The following CEP112 variants were observed in gnomAD, a reference collection of about 807,000 sequenced individuals.
CEP112 encodes centrosomal protein 112.
CEP112 carries 127 observed loss-of-function variants against 153.0 expected under a neutral mutation model. That is an observed-to-expected ratio of 0.83 (90% CI 0.72 to 0.96). The LOEUF (loss-of-function observed/expected upper bound fraction) is 0.96. Ranked by LOEUF, CEP112 falls within the 40% of genes least tolerant of loss-of-function variation. CEP112 has a pLI of 0.00. For synonymous variants in CEP112, 358 were observed against 374.4 expected (o/e 0.96, Z 0.51); for missense variants, 1,089 against 1,101.2 (o/e 0.99, Z 0.16).
intron 20 of CEP112, among the ~76,000 whole-genome samples, chr17:65,856,409 A>T (rs893405367): frequency 3.3e-5 from 5 of 152,200 alleles, no homozygotes; most frequent in African/African-American, 1.2e-4. Context: ...GCTGATTTGA[A>T]AGTCTGCTTT....
intron 23 of CEP112, among the ~76,000 whole-genome samples, chr17:65,735,027 C>T (rs563716623): frequency 3.9e-5 from 6 of 152,158 alleles, no homozygotes; most frequent in Non-Finnish European, 8.8e-5. Flanking sequence ...TGTTGATACA[C>T]TTCATTCTCT....
intron 24 of CEP112, among the ~76,000 whole-genome samples, chr17:65,686,815 G>C (rs1230581289): frequency 6.6e-6 from 1 of 151,848 alleles, no homozygotes; most frequent in Non-Finnish European, 1.5e-5. Context: ...TACAATGTCT[G>C]TTTGCCTGCC....
At chr17:65,866,094 C>G (rs1246393965) in intron 20 of CEP112, among the ~76,000 whole-genome samples, 1 of 152,068 alleles carries the variant, frequency 6.6e-6, no homozygotes, top group Non-Finnish European at 1.5e-5. Context: ...CACCCAGACG[C>G]AGCCACGTAC....
intron 23 of CEP112, among the ~76,000 whole-genome samples, chr17:65,716,129 G>C (rs368807307): frequency 2.0e-5 from 3 of 150,564 alleles, no homozygotes; most frequent in Non-Finnish European, 1.5e-5. Context: ...AGAGAATATA[G>C]GCATAGCCCT....
intron 20 of CEP112, among the ~76,000 whole-genome samples, chr17:65,901,723 C>T (rs1365602282): frequency 3.3e-5 from 5 of 151,894 alleles, no homozygotes; most frequent in South Asian, 2.1e-4. Context: ...AACAGCAACA[C>T]TAGGAAGGAA....
At chr17:66,132,890 T>C (rs1210233911) in intron 4 of CEP112, 127 bp from the exon 5 acceptor site, 8 of 694,742 alleles carry the variant, frequency 1.2e-5, no homozygotes, top group Non-Finnish European at 1.7e-5. Flanking sequence ...TGATGTTCCA[T>C]AGCCGGGCGT....
chr17:66,096,100 C>G (rs2068334447), intron 8 of CEP112, 151 bp downstream of exon 8: 3 of 558,094 alleles, frequency 5.4e-6, no homozygotes, highest in Non-Finnish European at 9.3e-6. Context: ...AAAGATGAAC[C>G]CTGCCTACCA....
At chr17:65,703,578 C>T (rs567989219) in intron 23 of CEP112, among the ~76,000 whole-genome samples, 22 of 150,230 alleles carry the variant, frequency 1.5e-4, no homozygotes, top group African/African-American at 5.4e-4. Flanking sequence ...TACCCAGCTG[C>T]GAAGTCTTGC....
At chr17:65,740,986 C>G (rs1446083542) in intron 23 of CEP112, among the ~76,000 whole-genome samples, 2 of 152,098 alleles carry the variant, frequency 1.3e-5, no homozygotes, top group African/African-American at 2.4e-5. Flanking sequence ...ATGTAGTACA[C>G]TGGGGTATGG....
At chr17:66,069,891 T>G in intron 9 of CEP112, 24 bp downstream of exon 9, 1 of 1,381,304 alleles carries the variant, frequency 7.2e-7, no homozygotes, top group East Asian at 2.3e-5. Flanking sequence ...TCAATATAAT[T>G]AAAACACGAG....
chr17:65,995,049 C>T (rs1275127907), intron 17 of CEP112, among the ~76,000 whole-genome samples: 1 of 151,870 alleles, frequency 6.6e-6, no homozygotes, highest in Non-Finnish European at 1.5e-5. Flanking sequence ...CCATCAAACC[C>T]GAAGAGCTCC....
At chr17:66,009,340 T>C (rs1268033310) in intron 16 of CEP112, among the ~76,000 whole-genome samples, 2 of 152,184 alleles carry the variant, frequency 1.3e-5, no homozygotes, top group African/African-American at 2.4e-5. Flanking sequence ...CTGTTATTTG[T>C]ATATCTTCTT....
chr17:65,908,695 A>AG (rs1491489616), intron 19 of CEP112, among the ~76,000 whole-genome samples: 2 of 36 alleles, frequency 0.056, no homozygotes, highest in African/African-American at 0.17. Context: ...ACTCTGTCTC[A>AG]AAAAAAAAAA....
chr17:65,895,037 C>T (rs2059611225), intron 20 of CEP112, among the ~76,000 whole-genome samples: 1 of 151,914 alleles, frequency 6.6e-6, no homozygotes, highest in South Asian at 2.1e-4. Flanking sequence ...CCAAAATTAG[C>T]AATATAATGG....
chr17:65,669,092 C>T (rs961756720), intron 24 of CEP112, among the ~76,000 whole-genome samples: 7 of 152,154 alleles, frequency 4.6e-5, no homozygotes, highest in African/African-American at 9.7e-5. Flanking sequence ...GTTCAGTTTT[C>T]GGCAGGTGGG....
At chr17:65,676,180 T>C (rs1035308940) in intron 24 of CEP112, among the ~76,000 whole-genome samples, 2 of 151,986 alleles carry the variant, frequency 1.3e-5, no homozygotes, top group East Asian at 1.9e-4. Context: ...CTACTAAAAA[T>C]ACAAAAATTA....
At chr17:66,154,455 C>T (rs1202605248) in intron 4 of CEP112, among the ~76,000 whole-genome samples, 1 of 152,056 alleles carries the variant, frequency 6.6e-6, no homozygotes, top group Non-Finnish European at 1.5e-5. Context: ...GCAGAGGTTG[C>T]AGTGAGCCAA....
At position 66,081,013 on chromosome 17, in the gene CEP112, G is replaced by C. The variant is rs7214219; in HGVS notation, c.769-11012C>G. The stretch of plus-strand genomic sequence containing the variant: ...AACATCACACACTGGGGACTGTCAG[G>C]GGGTAGGGGGCTAGGGGAGGGATAG... On this transcript the variant is annotated intron_variant, in intron 8 of 26. Coordinates refer to ENST00000535342, the MANE Select transcript of CEP112 (RefSeq NM_001199165.4). 4.1e-3 allele frequency among the ~76,000 whole-genome samples: 630 copies of C among 152,112 alleles called. 6 individuals are homozygous for C. Among genetic ancestry groups the C allele is most frequent in the African/African-American group, 0.015 (605 of 41,466 alleles).
At chr17:66,051,278 G>A (rs1020858440) in intron 12 of CEP112, among the ~76,000 whole-genome samples, 83 of 150,420 alleles carry the variant, frequency 5.5e-4, no homozygotes, top group African/African-American at 1.9e-3. Context: ...CTTCTTTTTC[G>A]TTTGTGTGTC....
Sources: gnomAD v4.1 joint callset for allele counts (sites outside exome capture counted in the v4.1 genomes callset) on GRCh38, gnomAD v4.1.1 for gene constraint, MANE v1.5 for transcripts, NCBI Gene and HGNC (gene_info 2026-07-23, HGNC 2026-07-21) for gene names.